TTC19: variants seen among roughly 807,000 people sequenced by gnomAD.
The protein encoded by TTC19 is tetratricopeptide repeat protein 19, mitochondrial.
Under a neutral mutation model 49.5 loss-of-function variants are expected in TTC19, and 38 were observed. That is an observed-to-expected ratio of 0.77 (90% CI 0.59 to 1.01). The LOEUF is 1.01. TTC19 is among the 50% of genes least tolerant of loss of function. TTC19 has a pLI of 0.00. For synonymous variants in TTC19, 204 were observed against 185.2 expected, an observed-to-expected ratio of 1.10 and a Z score of -0.83; for missense variants, 475 against 477.7, an observed-to-expected ratio of 0.99 and a Z score of 0.05.
At chr17:16,012,128 G>C (rs1971090294) in intron 7 of TTC19, among the ~76,000 whole-genome samples, 1 of 151,468 alleles carries the variant, frequency 6.6e-6, no homozygotes, top group Admixed American at 6.6e-5. Flanking sequence ...CTCCTGATTT[G>C]TGTTTATAGA....
At chr17:16,004,339 A>C in intron 6 of TTC19, 77 bp downstream of exon 6, 1 of 1,370,936 alleles carries the variant, frequency 7.3e-7, no homozygotes, top group Non-Finnish European at 1.0e-6. Flanking sequence ...TTCATTGTCT[A>C]CTGGTCATCT....
At position 16,003,824 on chromosome 17, in the gene TTC19, C is replaced by T; in HGVS notation, c.463-7C>T. The T allele has an allele frequency of 4.3e-6, 7 of 1,613,250 alleles. No homozygotes were observed. Among genetic ancestry groups the T allele is most frequent in the Middle Eastern group, 1.6e-4 (1 of 6,062 alleles). The stretch of plus-strand genomic sequence containing the variant: ...TTAAAAGAAAAATCTTTTCCTTATG[C>T]TTTTAGGCTGAACAACTTTTTAAAG... On this transcript the variant is annotated splice_polypyrimidine_tract_variant and splice_region_variant and intron_variant, in intron 4 of 9. Coordinates refer to ENST00000261647, the MANE Select transcript of TTC19 (RefSeq NM_017775.4).
intron 7 of TTC19, among the ~76,000 whole-genome samples, chr17:16,007,020 G>A (rs909472261): frequency 6.6e-6 from 1 of 152,174 alleles, no homozygotes; most frequent in Admixed American, 6.6e-5. Context: ...GGATGAGCAG[G>A]AAGCTCTCTA....
At chr17:16,040,894 A>G (rs1065822) in intron 2 of TTC19, 3 of 184,578 alleles carry the variant, frequency 1.6e-5, no homozygotes, top group African/African-American at 2.4e-5. Flanking sequence ...AATAAATAAA[A>G]AAAGAAGCAG....
chr17:16,007,448 TTTTTTG>T (rs1970945671), intron 7 of TTC19, among the ~76,000 whole-genome samples: 1 of 152,010 alleles, frequency 6.6e-6, no homozygotes. Context: ...CAGTTTTTTG[TTTTTTG>T]TTTTTTGTTT....
intron 2 of TTC19, chr17:16,039,788 A>C: frequency 1.3e-6 from 1 of 754,660 alleles, no homozygotes; most frequent in Non-Finnish European, 2.1e-6. Flanking sequence ...GACCCACCAC[A>C]CAGAGACCTT....
chr17:16,000,137 G>C lies in TTC19; in HGVS notation c.204G>C (p.Arg68Ser). ...PLLAALAWFS[R>S]PAAAEEEEQQ... The stretch of plus-strand genomic sequence containing the variant: ...CCGCAGCGCTCGCCTGGTTCTCGAG[G>C]CCCGCTGCGGCAGAGGAGGAGGAGC... Residue 68 changes from arginine to serine, a missense_variant, in exon 2 of 10, where the codon AGG becomes AGC. Arg to Ser is a moderately radical substitution (Grantham distance 110). Transcript: ENST00000261647. 6.3e-7 allele frequency: 1 copy of C among 1,575,732 alleles called. No individual in the cohort carries two copies. The highest frequency in any genetic ancestry group is 1.1e-5 in the South Asian group (1 of 88,666).
At position 16,028,843 on chromosome 17, in the gene TTC19, A is replaced by AAAAAAAAAAAAC. The variant is rs1567590702; in HGVS notation, c.*1324_*1325insAAAAAAAACAAA. On this transcript the variant is annotated 3_prime_UTR_variant, in exon 10 of 10. Transcript: ENST00000261647. ...CAAAAAAAAAAAAAAAAAAAAAAAA[A>AAAAAAAAAAAAC]AAACTTTCTGAAGAAAATAAAAACA... is the stretch of plus-strand genomic sequence containing the variant. 11 of 377,944 alleles carry AAAAAAAAAAAAC rather than the reference A, an allele frequency of 2.9e-5. No homozygotes were observed. Among genetic ancestry groups the AAAAAAAAAAAAC allele is most frequent in the Non-Finnish European group, 4.5e-5 (9 of 198,180 alleles). 23.4% of individuals were successfully genotyped at this position (377,944 alleles called of 1,614,324 possible). A position where few individuals can be genotyped will look rare whatever the true frequency, so the allele number is the denominator to read the frequency against.
chr17:16,001,148 A>G (rs1221320432), intron 2 of TTC19, among the ~76,000 whole-genome samples: 1 of 149,554 alleles, frequency 6.7e-6, no homozygotes, highest in African/African-American at 2.4e-5. Flanking sequence ...AAAGCGACCA[A>G]AAAAAAAAAG....
At chr17:16,023,441 G>C (rs1052355860) in intron 7 of TTC19, 51 of 152,026 alleles carry the variant, frequency 3.4e-4, no homozygotes, top group African/African-American at 1.1e-3. Flanking sequence ...TATCAACTTT[G>C]GAAACAAGAC....
At chr17:16,001,087 A>T (rs1303028282) in intron 2 of TTC19, among the ~76,000 whole-genome samples, 1 of 152,118 alleles carries the variant, frequency 6.6e-6, no homozygotes, top group East Asian at 1.9e-4. Context: ...ATGCTCCAGT[A>T]GTCTTTCCTG....
At chr17:16,043,277 G>A (rs2058073513) in intron 2 of TTC19, among the ~76,000 whole-genome samples, 2 of 152,344 alleles carry the variant, frequency 1.3e-5, no homozygotes, top group East Asian at 1.9e-4. Context: ...GTGAAGCTGT[G>A]TTGGCTGCTG....
At chr17:16,024,647 C>T in intron 7 of TTC19, 1 of 295,330 alleles carries the variant, frequency 3.4e-6, no homozygotes, top group South Asian at 3.1e-5. Context: ...CTTTGCACTT[C>T]AGGATTCTGA....
chr17:16,026,459 T>G, intron 8 of TTC19, 81 bp from the exon 9 acceptor site: 1 of 1,291,416 alleles, frequency 7.7e-7, no homozygotes, highest in Non-Finnish European at 1.1e-6. Context: ...ATCTTATGTA[T>G]TCAGAGTTGG....
chr17:16,029,877 C>T (rs1971783873), downstream of TTC19: 1 of 153,004 alleles, frequency 6.5e-6, no homozygotes, highest in African/African-American at 2.4e-5. Context: ...GTTCACAGCA[C>T]CTCACCTTCG....
At chr17:16,020,243 G>A (rs549557444) in intron 7 of TTC19, among the ~76,000 whole-genome samples, 93 of 152,270 alleles carry the variant, frequency 6.1e-4, no homozygotes, top group African/African-American at 2.2e-3. Context: ...TGCTGGGTTT[G>A]AAAAGGAATT....
At chr17:16,001,645 C>T (rs760841987) in intron 2 of TTC19, among the ~76,000 whole-genome samples, 1 of 152,224 alleles carries the variant, frequency 6.6e-6, no homozygotes, top group African/African-American at 2.4e-5. Context: ...CAAGCAGCTT[C>T]CTTATAAAAT....
intron 2 of TTC19, among the ~76,000 whole-genome samples, chr17:16,037,058 T>G (rs1363895614): frequency 2.0e-5 from 3 of 152,222 alleles, no homozygotes; most frequent in Non-Finnish European, 4.4e-5. Context: ...CTTGAACACT[T>G]AGAAGCCATT....
rs950386357 is a variant in TTC19 at position 16,028,263 on chromosome 17, C to T, written c.*741C>T. 2.2e-6 allele frequency: 1 copy of T among 454,096 alleles called. No homozygotes were observed. The highest frequency in any genetic ancestry group is 4.4e-6 in the Non-Finnish European group (1 of 226,776). The allele number at this position is 454,096 out of a possible 1,614,324, so 28.1% of individuals were successfully genotyped here. On this transcript the variant is annotated 3_prime_UTR_variant, in exon 10 of 10. Transcript: ENST00000261647. ...TCTACTTCCTTTGCAGCCTTAGTCA[C>T]ACAACTGAGTCATCTCAAGTACTCT... is the stretch of plus-strand genomic sequence containing the variant.
Sources: allele counts gnomAD v4.1 joint callset (sites outside exome capture counted in the v4.1 genomes callset), GRCh38; gene constraint gnomAD v4.1.1; transcripts MANE v1.5; gene names NCBI Gene and HGNC (gene_info 2026-07-23, HGNC 2026-07-21).